ELN: variants seen among roughly 807,000 people sequenced by gnomAD.
ELN encodes the protein elastin.
A neutral mutation model predicts 105.8 loss-of-function variants in ELN; 65 were observed. The observed-to-expected ratio is 0.61, with a 90% CI of 0.50 to 0.75. ELN has a LOEUF of 0.75. Ranked by LOEUF, ELN falls within the 30% of genes least tolerant of loss-of-function variation. The pLI, the probability that ELN is intolerant of heterozygous loss-of-function variation, is 0.00. For synonymous variants in ELN, 368 were observed against 389.2 expected (o/e 0.95, Z 0.64); for missense variants, 882 against 969.4 (o/e 0.91, Z 1.20).
intron 26 of ELN, 132 bp downstream of exon 26, chr7:74,061,271 C>A (rs2132372919): frequency 1.8e-6 from 2 of 1,130,674 alleles, no homozygotes; most frequent in East Asian, 5.1e-5. Context: ...AATCCCAGCA[C>A]TTTGGGAGGC....
chr7:74,051,569 G>C (rs1362632134), intron 15 of ELN, among the ~76,000 whole-genome samples, 181 bp from the exon 16 acceptor site: 3 of 152,184 alleles, frequency 2.0e-5, no homozygotes, highest in African/African-American at 7.2e-5. Context: ...GACACTTTGG[G>C]GGAGAGTCAA....
At position 74,031,308 on chromosome 7, in the gene ELN, T is replaced by A. The variant is rs191667268; in HGVS notation, c.82+3039T>A. Among the ~76,000 whole-genome samples, 674 of 152,184 alleles carry A rather than the reference T, an allele frequency of 4.4e-3. 6 individuals carry two copies. Among genetic ancestry groups the A allele is most frequent in the African/African-American group, 0.016 (648 of 41,516 alleles). Reference sequence around the variant, plus strand: ...TAGGGCCAGTGAGAGCTTCTAGCAATGTAATATCTGGGGGGAAAAAAAGCA... The same window carrying A: ...TAGGGCCAGTGAGAGCTTCTAGCAAAGTAATATCTGGGGGGAAAAAAAGCA... On this transcript the variant is annotated intron_variant, in intron 1 of 32. Transcript: ENST00000252034.
intron 11 of ELN, 45 bp from the exon 12 acceptor site, chr7:74,046,651 G>T: frequency 6.2e-7 from 1 of 1,608,024 alleles, no homozygotes; most frequent in Non-Finnish European, 8.5e-7. Context: ...CGGAGGGTTT[G>T]GAAGGGGGTG....
In ELN at chr7:74,051,832, C is replaced by T. The variant is rs1554676246; in HGVS notation, c.882C>T (p.Gly294=). ...GVPGAIPGIG[G]IAGVGTPAAA... is the part of the protein sequence containing the mutation. ...CTGGGGCAATTCCTGGAATTGGAGG[C>T]ATCGCAGGTAACATCTGTCCCAGCA... Residue 294 remains glycine (G), a synonymous_variant, in exon 16 of 33, where the codon GGC becomes GGT. Transcript: ENST00000252034. The T allele has an allele frequency of 1.2e-6, 2 of 1,614,216 alleles. No homozygotes were observed. Among genetic ancestry groups the T allele is most frequent in the South Asian group, 2.2e-5 (2 of 91,082 alleles).
At chr7:74,065,232 G>A (rs2132630387) in intron 29 of ELN, among the ~76,000 whole-genome samples, 1 of 152,196 alleles carries the variant, frequency 6.6e-6, no homozygotes, top group African/African-American at 2.4e-5. Flanking sequence ...CTGGGCAACA[G>A]AGCAAGAAGC....
chr7:74,028,407 G>A, intron 1 of ELN, 138 bp downstream of exon 1: 1 of 1,026,146 alleles, frequency 9.7e-7, no homozygotes, highest in Non-Finnish European at 1.4e-6. Context: ...CAGCCACTGG[G>A]TCCTCGGAAC....
chr7:74,048,573 T>TC lies in ELN; in HGVS notation c.799+21dup. 1.2e-6 allele frequency: 2 copies of TC among 1,613,234 alleles called. No individual in the cohort carries two copies. Among genetic ancestry groups the TC allele is most frequent in the Non-Finnish European group, 1.7e-6 (2 of 1,179,680 alleles). ...CAAAGTTCGGTGAGTGCCCCTGGAG[T>TC]CCCCACCTGGTGGCCTCCAGGCCCC... On this transcript the variant is annotated intron_variant, in intron 15 of 32. Coordinates refer to ENST00000252034, the MANE Select transcript of ELN (RefSeq NM_000501.4).
In ELN at chr7:74,054,734, C is replaced by T. The variant is rs1794882930; in HGVS notation, c.1115C>T (p.Ala372Val). Reference sequence around the variant, plus strand: ...TCTCCAGGGGTTGTGTCACCAGAAGCAGCTGCTAAGGCAGCTGCAAAGGCA... The same window carrying T: ...TCTCCAGGGGTTGTGTCACCAGAAGTAGCTGCTAAGGCAGCTGCAAAGGCA... ...AAVPGVVSPE[A>V]AAKAAAKAAK... Residue 372 changes from alanine to valine, a missense_variant, in exon 19 of 33, where the codon GCA becomes GTA. Physicochemically the swap from Ala to Val is moderately conservative, Grantham distance 64. Coordinates refer to ENST00000252034, the MANE Select transcript of ELN (RefSeq NM_000501.4). The T allele has an allele frequency of 6.2e-7, 1 of 1,614,162 alleles. No individual in the cohort carries two copies. Among genetic ancestry groups the T allele is most frequent in the Non-Finnish European group, 8.5e-7 (1 of 1,180,016 alleles).
chr7:74,069,280 G>T lies in ELN; in HGVS notation c.*580G>T. On this transcript the variant is annotated 3_prime_UTR_variant, in exon 33 of 33. Coordinates refer to ENST00000252034, the MANE Select transcript of ELN (RefSeq NM_000501.4). ...GTTCCCCACATCTGGGGCGCTTTTGGGTTGGAAAACCACCCCACACTGGGA... is the reference window on the plus strand; with the variant it reads ...GTTCCCCACATCTGGGGCGCTTTTGTGTTGGAAAACCACCCCACACTGGGA... 4.2e-6 allele frequency: 1 copy of T among 237,752 alleles called. No homozygotes were observed. Among genetic ancestry groups the T allele is most frequent in the Non-Finnish European group, 8.3e-6 (1 of 120,328 alleles). 14.7% of individuals were successfully genotyped at this position (237,752 alleles called of 1,614,324 possible). A position where few individuals can be genotyped will look rare whatever the true frequency, so the allele number is the denominator to read the frequency against.
intron 3 of ELN, 131 bp downstream of exon 3, chr7:74,036,715 A>G (rs1488124019): frequency 2.3e-6 from 3 of 1,309,064 alleles, no homozygotes; most frequent in African/African-American, 1.5e-5. Flanking sequence ...GACAGCATCC[A>G]GGCGGTGGGA....
intron 17 of ELN, 47 bp from the exon 18 acceptor site, chr7:74,053,116 C>T (rs201795961): frequency 6.2e-7 from 1 of 1,613,978 alleles, no homozygotes; most frequent in South Asian, 1.1e-5. Flanking sequence ...CTTCTAGCCC[C>T]TCTGAGGTTC....
intron 22 of ELN, chr7:74,059,652 C>G: frequency 1.6e-6 from 1 of 608,584 alleles, no homozygotes; most frequent in Non-Finnish European, 2.9e-6. Context: ...CCATTGCACT[C>G]CAGCCTGGGC....
rs185988110 is a variant in ELN, at chr7:74,069,494, C to G, written c.*794C>G. On this transcript the variant is annotated 3_prime_UTR_variant, in exon 33 of 33. Transcript: ENST00000252034. ...CCATCCTACACTCCCCCAGGGCGTGCGGGGCTGTGCAGACTGGGGTGCCAG... is the reference window on the plus strand; with the variant it reads ...CCATCCTACACTCCCCCAGGGCGTGGGGGGCTGTGCAGACTGGGGTGCCAG... The G allele has an allele frequency of 6.4e-5, 15 of 234,348 alleles. No individual in the cohort carries two copies. The highest frequency in any genetic ancestry group is 1.8e-4 in the South Asian group (1 of 5,540). The allele number at this position is 234,348 out of a possible 1,614,324, so 14.5% of individuals were successfully genotyped here.
rs1798585477 is a variant in ELN at position 74,069,095 on chromosome 7, G to A, written c.*395G>A. 7.8e-6 allele frequency: 3 copies of A among 384,234 alleles called. No homozygotes were observed. Among genetic ancestry groups the A allele is most frequent in the African/African-American group, 4.0e-5 (2 of 49,914 alleles). The allele number at this position is 384,234 out of a possible 1,614,324, so 23.8% of individuals were successfully genotyped here. ...TACCTGGGGCTCCTCTAAAGATGGTGCAGACACTTCCTGGGCAGTCCCAGC... is the reference window on the plus strand; with the variant it reads ...TACCTGGGGCTCCTCTAAAGATGGTACAGACACTTCCTGGGCAGTCCCAGC... On this transcript the variant is annotated 3_prime_UTR_variant, in exon 33 of 33. Coordinates refer to ENST00000252034, the MANE Select transcript of ELN (RefSeq NM_000501.4).
At chr7:74,044,099 G>A (rs1554670522) in intron 9 of ELN, among the ~76,000 whole-genome samples, 179 bp downstream of exon 9, 2 of 152,070 alleles carry the variant, frequency 1.3e-5, no homozygotes, top group African/African-American at 4.8e-5. Flanking sequence ...AATTTAGCCA[G>A]GCATGGTGGT....
At chr7:74,038,547 C>A (rs533035133) in intron 4 of ELN, among the ~76,000 whole-genome samples, 1 of 152,368 alleles carries the variant, frequency 6.6e-6, no homozygotes, top group South Asian at 2.1e-4. Flanking sequence ...CTGGGGAATG[C>A]ACCCCCAGGA....
intron 4 of ELN, among the ~76,000 whole-genome samples, chr7:74,039,925 A>C (rs1277424719): frequency 6.6e-6 from 1 of 152,234 alleles, no homozygotes; most frequent in Admixed American, 6.5e-5. Context: ...TCTAGAAAGA[A>C]GGAGGATGGA....
At chr7:74,061,640 A>G (rs1796684255) in intron 26 of ELN, among the ~76,000 whole-genome samples, 1 of 152,208 alleles carries the variant, frequency 6.6e-6, no homozygotes, top group African/African-American at 2.4e-5. Flanking sequence ...CGACAGAGCG[A>G]GACTGTATCT....
At chr7:74,051,480 T>A (rs1794015560) in intron 15 of ELN, among the ~76,000 whole-genome samples, 1 of 152,160 alleles carries the variant, frequency 6.6e-6, no homozygotes, top group Non-Finnish European at 1.5e-5. Flanking sequence ...CGGCCACTTG[T>A]GGTTTCTCAG....
Sources: gnomAD v4.1 joint callset for allele counts (sites outside exome capture counted in the v4.1 genomes callset) on GRCh38, gnomAD v4.1.1 for gene constraint, MANE v1.5 for transcripts, NCBI Gene and HGNC (gene_info 2026-07-23, HGNC 2026-07-21) for gene names.